ERICH6B: variants seen among roughly 807,000 people sequenced by gnomAD.
ERICH6B encodes glutamate rich 6B.
In ERICH6B, 69 loss-of-function variants were observed where a neutral mutation model predicts 80.0. The observed-to-expected ratio is 0.86, with a 90% CI of 0.71 to 1.05. The LOEUF (loss-of-function observed/expected upper bound fraction) is 1.05, where lower values mean the gene tolerates loss of function less well. Ranked by LOEUF, ERICH6B falls within the 50% of genes least tolerant of loss-of-function variation. The probability of loss-of-function intolerance (pLI) is 0.00; values close to 1 mark genes in which losing one functional copy is unlikely to be tolerated. For missense variants in ERICH6B, 754 were observed against 796.1 expected, an observed-to-expected ratio of 0.95 and a Z score of 0.64; for synonymous variants, 283 against 291.9, an observed-to-expected ratio of 0.97 and a Z score of 0.31.
At chr13:45,552,054 A>G (rs1874245123) in intron 11 of ERICH6B, among the ~76,000 whole-genome samples, 1 of 152,108 alleles carries the variant, frequency 6.6e-6, no homozygotes, top group South Asian at 2.1e-4. Context: ...CTTTCATTTT[A>G]CTCCATTCTA....
intron 7 of ERICH6B, among the ~76,000 whole-genome samples, chr13:45,578,724 C>G (rs1393605871): frequency 6.6e-6 from 1 of 152,202 alleles, no homozygotes; most frequent in African/African-American, 2.4e-5. Flanking sequence ...TCTAGCTACT[C>G]AAAGTGTGGT....
chr13:45,559,723 T>G (rs938930157), intron 11 of ERICH6B, among the ~76,000 whole-genome samples: 26 of 152,338 alleles, frequency 1.7e-4, no homozygotes, highest in African/African-American at 6.0e-4. Flanking sequence ...CTTTTGGAGT[T>G]GATTTCCAGT....
chr13:45,550,774 A>C (rs949817728), intron 11 of ERICH6B, among the ~76,000 whole-genome samples: 1 of 152,072 alleles, frequency 6.6e-6, no homozygotes, highest in South Asian at 2.1e-4. Flanking sequence ...CTTGTGATGC[A>C]TCACCCCAGT....
rs78583144 is a variant in ERICH6B at position 45,563,796 on chromosome 13, G to A, written c.1188-8C>T. ...TCATAATTTTTCTTCAGCCTAAAAG[G>A]AAAGTGGATCATCTTTAGAAGCCAA... On this transcript the variant is annotated splice_region_variant and splice_polypyrimidine_tract_variant and intron_variant, in intron 9 of 14. Coordinates refer to ENST00000298738, the MANE Select transcript of ERICH6B (RefSeq NM_182542.3). 1 of 1,551,522 alleles carries A rather than the reference G, an allele frequency of 6.4e-7. No homozygotes were observed. The highest frequency in any genetic ancestry group is 2.4e-5 in the East Asian group (1 of 40,920).
chr13:45,555,324 TAGG>T (rs1874392952), intron 11 of ERICH6B: 1 of 152,248 alleles, frequency 6.6e-6, no homozygotes, highest in Non-Finnish European at 1.5e-5. Flanking sequence ...CTCCTGTCTA[TAGG>T]AGTTCTGACT....
chr13:45,607,973 A>G (rs1332064532), intron 1 of ERICH6B, among the ~76,000 whole-genome samples: 1 of 152,182 alleles, frequency 6.6e-6, no homozygotes, highest in Non-Finnish European at 1.5e-5. Context: ...TCTGTTGGAC[A>G]TCAACTAACT....
At chr13:45,568,244 C>A in intron 9 of ERICH6B, 71 bp downstream of exon 9, 1 of 1,443,884 alleles carries the variant, frequency 6.9e-7, no homozygotes, top group Non-Finnish European at 9.1e-7. Flanking sequence ...GCTCAGTTTA[C>A]ACTTTCCCTG....
At chr13:45,552,585 A>G (rs1272143706) in intron 11 of ERICH6B, among the ~76,000 whole-genome samples, 1 of 151,322 alleles carries the variant, frequency 6.6e-6, no homozygotes, top group Non-Finnish European at 1.5e-5. Flanking sequence ...TTTTCAAGCC[A>G]TTTTTATTTT....
intron 5 of ERICH6B, among the ~76,000 whole-genome samples, chr13:45,581,663 C>T (rs1262419546): frequency 6.6e-6 from 1 of 152,184 alleles, no homozygotes; most frequent in Non-Finnish European, 1.5e-5. Flanking sequence ...AGGCATGAGC[C>T]ACTGCGCCTG....
chr13:45,564,942 G>T (rs1023186269), intron 9 of ERICH6B, among the ~76,000 whole-genome samples: 1 of 152,110 alleles, frequency 6.6e-6, no homozygotes, highest in East Asian at 1.9e-4. Flanking sequence ...CCCATCAGGC[G>T]GCTCTTCAAT....
At chr13:45,558,506 G>C (rs1291996223) in intron 11 of ERICH6B, among the ~76,000 whole-genome samples, 1 of 152,170 alleles carries the variant, frequency 6.6e-6, no homozygotes, top group Non-Finnish European at 1.5e-5. Context: ...TCCTTGTCTT[G>C]TTCCAGTTCT....
intron 2 of ERICH6B, among the ~76,000 whole-genome samples, chr13:45,606,435 C>A (rs1302543231): frequency 7.1e-6 from 1 of 141,578 alleles, no homozygotes; most frequent in African/African-American, 2.6e-5. Context: ...GGCTGCCTCG[C>A]GGGGTGGTGG....
At chr13:45,608,217 G>A (rs900432995) in intron 1 of ERICH6B, among the ~76,000 whole-genome samples, 3 of 152,196 alleles carry the variant, frequency 2.0e-5, no homozygotes. Flanking sequence ...CCAAAATACT[G>A]AGAATTGTTA....
rs552252490 is a variant in ERICH6B, at chr13:45,544,968, T to C, written c.1664A>G (p.Asn555Ser). 9.8e-5 allele frequency: 152 copies of C among 1,550,712 alleles called. 1 individual carries two copies. The highest frequency in any genetic ancestry group is 1.1e-4 in the Non-Finnish European group (124 of 1,146,992). The change falls in exon 14 of 15, where the codon AAC becomes AGC. Residue 555 changes from asparagine (N) to serine (S), a missense_variant. Coordinates refer to ENST00000298738, the MANE Select transcript of ERICH6B (RefSeq NM_182542.3). ...NSDIWLNLSS[N>S]LGYYFPKDKR... ...GTCTTTGGGGAAGTAGTAGCCCAGGTTGGAGCTCAGGTTCAACCTGGACCA... is the reference window on the plus strand; with the variant it reads ...GTCTTTGGGGAAGTAGTAGCCCAGGCTGGAGCTCAGGTTCAACCTGGACCA...
intron 10 of ERICH6B, 101 bp downstream of exon 10, chr13:45,563,626 G>A: frequency 1.8e-6 from 2 of 1,091,448 alleles, no homozygotes; most frequent in Non-Finnish European, 2.7e-6. Context: ...GTGAGTGAAT[G>A]AGCCCTTCCA....
chr13:45,604,944 A>G (rs1366241101), intron 2 of ERICH6B, among the ~76,000 whole-genome samples: 2 of 152,034 alleles, frequency 1.3e-5, no homozygotes, highest in Admixed American at 1.3e-4. Context: ...CAAATCCAAG[A>G]AGGTTTGGAT....
At chr13:45,606,545 A>ATTT (rs1566307925) in intron 2 of ERICH6B, among the ~76,000 whole-genome samples, 30 of 12,774 alleles carry the variant, frequency 2.3e-3, no homozygotes, top group Non-Finnish European at 4.9e-3. Flanking sequence ...ATATATATAT[A>ATTT]TATTTTTTTT....
At chr13:45,546,522 C>T (rs970410552) in intron 13 of ERICH6B, among the ~76,000 whole-genome samples, 7 of 152,166 alleles carry the variant, frequency 4.6e-5, no homozygotes, top group Non-Finnish European at 7.4e-5. Flanking sequence ...TTGTTGCATA[C>T]GTGACAGGCT....
Position 45,574,935 on chromosome 13 carries a change from C to G in ERICH6B, c.962-5G>C, listed in dbSNP as rs767918255. On this transcript the variant is annotated splice_region_variant and splice_polypyrimidine_tract_variant and intron_variant, in intron 7 of 14. Coordinates refer to ENST00000298738, the MANE Select transcript of ERICH6B (RefSeq NM_182542.3). ...CTTTAGAAGCAAACTCCAGGACTTT[C>G]GATTTTGGAAGGAGCGTCGAAAGGA... 2.6e-6 allele frequency: 4 copies of G among 1,547,104 alleles called. No homozygotes were observed. The Admixed American group carries it at 7.9e-5, about 30-fold the overall frequency.
Sources: gnomAD v4.1 joint callset for allele counts (sites outside exome capture counted in the v4.1 genomes callset) on GRCh38, gnomAD v4.1.1 for gene constraint, MANE v1.5 for transcripts, NCBI Gene and HGNC (gene_info 2026-07-23, HGNC 2026-07-21) for gene names.